Variants in MAN2A1 observed in about 807,000 individuals in gnomAD.
The protein encoded by MAN2A1 is mannosidase alpha class 2A member 1, also known as alpha-mannosidase 2.
A neutral mutation model predicts 142.6 loss-of-function variants in MAN2A1; 76 were observed. The observed-to-expected ratio is 0.53, with a 90% confidence interval of 0.44 to 0.65. The LOEUF is 0.65. MAN2A1 is among the 30% of genes least tolerant of loss of function. The probability of loss-of-function intolerance (pLI) is 0.00; values close to 1 mark genes in which losing one functional copy is unlikely to be tolerated. For synonymous variants in MAN2A1, 559 were observed against 473.2 expected (o/e 1.18, Z -2.35); for missense variants, 1,311 against 1,365.1 (o/e 0.96, Z 0.62).
chr5:109,834,408 C>A (rs1457056828), intron 16 of MAN2A1, among the ~76,000 whole-genome samples: 1 of 150,014 alleles, frequency 6.7e-6, no homozygotes, highest in African/African-American at 2.5e-5. Context: ...CCAAAAAATT[C>A]TGTTGTTTCA....
At chr5:109,819,094 ACTATT>A (rs1318231763) in intron 13 of MAN2A1, among the ~76,000 whole-genome samples, 1 of 152,298 alleles carries the variant, frequency 6.6e-6, no homozygotes, top group African/African-American at 2.4e-5. Context: ...TACCCATACA[ACTATT>A]CTATTTTTCG....
At chr5:109,774,474 C>G (rs7712573) in intron 7 of MAN2A1, among the ~76,000 whole-genome samples, 1 of 152,030 alleles carries the variant, frequency 6.6e-6, no homozygotes, top group Non-Finnish European at 1.5e-5. Context: ...TTAGGAAGTC[C>G]TTGGTACCCC....
chr5:109,842,301 A>T lies in MAN2A1; in HGVS notation c.2567-27A>T. 7.1e-7 allele frequency: 1 copy of T among 1,418,324 alleles called. No individual in the cohort carries two copies. Among genetic ancestry groups the T allele is most frequent in the Non-Finnish European group, 9.5e-7 (1 of 1,048,742 alleles). The allele number at this position is 1,418,324 out of a possible 1,614,324, so 87.9% of individuals were successfully genotyped here. A position where few individuals can be genotyped will look rare whatever the true frequency, so the allele number is the denominator to read the frequency against. On this transcript the variant is annotated intron_variant, in intron 16 of 21. Coordinates refer to ENST00000261483, the MANE Select transcript of MAN2A1 (RefSeq NM_002372.4). ...GTGAGGCAAGTAATTTCTTTCTATT[A>T]ATCCATATATATTTTTTTAAATTTA...
intron 7 of MAN2A1, 107 bp downstream of exon 7, chr5:109,770,648 T>C: frequency 1.0e-6 from 1 of 982,062 alleles, no homozygotes; most frequent in Non-Finnish European, 1.5e-6. Context: ...ACATTATCCT[T>C]GTTTGAAGTA....
intron 7 of MAN2A1, among the ~76,000 whole-genome samples, chr5:109,774,097 A>G (rs1753219232): frequency 6.6e-6 from 1 of 152,230 alleles, no homozygotes; most frequent in South Asian, 2.1e-4. Flanking sequence ...GCTATTGGTT[A>G]GAGTCCAGAG....
At chr5:109,771,830 A>C (rs1753152782) in intron 7 of MAN2A1, among the ~76,000 whole-genome samples, 1 of 152,190 alleles carries the variant, frequency 6.6e-6, no homozygotes, top group African/African-American at 2.4e-5. Flanking sequence ...AAAGTGAACA[A>C]GATGTTTCAG....
At chr5:109,719,954 T>C (rs1031284531) in intron 3 of MAN2A1, among the ~76,000 whole-genome samples, 2 of 152,204 alleles carry the variant, frequency 1.3e-5, no homozygotes, top group Non-Finnish European at 2.9e-5. Context: ...CTGATAACTT[T>C]GTACTGTTAT....
chr5:109,720,641 A>G (rs1268618664), intron 3 of MAN2A1, among the ~76,000 whole-genome samples: 2 of 152,230 alleles, frequency 1.3e-5, no homozygotes, highest in African/African-American at 4.8e-5. Context: ...GTCTTGGGCC[A>G]CACATAAAAT....
At position 109,842,448 on chromosome 5, in the gene MAN2A1, TA is replaced by T; in HGVS notation, c.2690del (p.Asn897MetfsTer9). The T allele has an allele frequency of 1.3e-6, 2 of 1,558,810 alleles. No homozygotes were observed. The highest frequency in any genetic ancestry group is 1.8e-6 in the Non-Finnish European group (2 of 1,141,160). ...IKSQNRFYTD[L>X]NGYQIQPRMT... Reference sequence around the variant, plus strand: ...AGCCAAAATAGATTTTATACTGACCTAAATGGGTACCAGGTAATTTTTCCTT... The same window carrying T: ...AGCCAAAATAGATTTTATACTGACCTAATGGGTACCAGGTAATTTTTCCTT... On this transcript the variant is annotated frameshift_variant, in exon 17 of 22. Coordinates refer to ENST00000261483, the MANE Select transcript of MAN2A1 (RefSeq NM_002372.4). LOFTEE classifies it high-confidence loss of function.
intron 7 of MAN2A1, among the ~76,000 whole-genome samples, chr5:109,773,511 G>GT (rs1440074318): frequency 5.9e-5 from 9 of 151,674 alleles, no homozygotes; most frequent in African/African-American, 9.7e-5. Context: ...TTCTTCATGT[G>GT]TTTTTTATCG....
rs148619583 is a variant in MAN2A1, at chr5:109,772,632, G to A, written c.1196+2091G>A. 1.7e-3 allele frequency among the ~76,000 whole-genome samples: 257 copies of A among 152,126 alleles called. 1 individual carries two copies. The highest frequency in any genetic ancestry group is 6.1e-3 in the African/African-American group (252 of 41,496). On this transcript the variant is annotated intron_variant, in intron 7 of 21. Coordinates refer to ENST00000261483, the MANE Select transcript of MAN2A1 (RefSeq NM_002372.4). ...TGCAATTCTCCCACCTCAGCCTCCTGAGTAACTGGGACCACAGGTACATGC... is the reference window on the plus strand; with the variant it reads ...TGCAATTCTCCCACCTCAGCCTCCTAAGTAACTGGGACCACAGGTACATGC...
At chr5:109,744,066 C>G (rs1189752931) in intron 4 of MAN2A1, among the ~76,000 whole-genome samples, 2 of 152,052 alleles carry the variant, frequency 1.3e-5, no homozygotes, top group East Asian at 1.9e-4. Flanking sequence ...TAATTTCAGT[C>G]TTACTCATTT....
chr5:109,751,582 A>G (rs1366749327), intron 4 of MAN2A1, among the ~76,000 whole-genome samples: 5 of 151,816 alleles, frequency 3.3e-5, no homozygotes, highest in Non-Finnish European at 7.4e-5. Flanking sequence ...TTTTTTAAAT[A>G]AATCTTCAAT....
chr5:109,816,696 G>A (rs551927968), intron 12 of MAN2A1, among the ~76,000 whole-genome samples: 1 of 152,178 alleles, frequency 6.6e-6, no homozygotes, highest in South Asian at 2.1e-4. Flanking sequence ...GTGAGATTAG[G>A]TAGGAATCAG....
chr5:109,720,688 G>A (rs926122162), intron 3 of MAN2A1, among the ~76,000 whole-genome samples: 1 of 152,034 alleles, frequency 6.6e-6, no homozygotes, highest in Non-Finnish European at 1.5e-5. Flanking sequence ...AAATAAAATC[G>A]CAAAAAAATT....
intron 12 of MAN2A1, 103 bp from the exon 13 acceptor site, chr5:109,817,170 A>ATG (rs1754483613): frequency 2.7e-5 from 27 of 996,166 alleles, no homozygotes; most frequent in Admixed American, 9.4e-5. Context: ...TATCTCAAAA[A>ATG]TATATATGTA....
At chr5:109,788,507 C>T (rs1381711209) in intron 10 of MAN2A1, among the ~76,000 whole-genome samples, 1 of 151,788 alleles carries the variant, frequency 6.6e-6, no homozygotes, top group African/African-American at 2.4e-5. Context: ...GACTTGTATA[C>T]GAATTGAATT....
intron 16 of MAN2A1, among the ~76,000 whole-genome samples, chr5:109,838,579 A>C (rs1426769575): frequency 6.6e-6 from 1 of 152,194 alleles, no homozygotes; most frequent in Non-Finnish European, 1.5e-5. Context: ...ACTGACACAG[A>C]ATAGGAACAA....
intron 1 of MAN2A1, among the ~76,000 whole-genome samples, chr5:109,710,765 A>G (rs1582811877): frequency 1.3e-5 from 2 of 151,980 alleles, no homozygotes; most frequent in East Asian, 3.9e-4. Flanking sequence ...ATCTTGGCTC[A>G]CCACAACCTC....
Sources: allele counts gnomAD v4.1 joint callset (sites outside exome capture counted in the v4.1 genomes callset), GRCh38; gene constraint gnomAD v4.1.1; transcripts MANE v1.5; gene names NCBI Gene and HGNC (gene_info 2026-07-23, HGNC 2026-07-21).